ARMC2: variants seen among roughly 807,000 people sequenced by gnomAD.
The protein encoded by ARMC2 is armadillo repeat containing 2, also known as armadillo repeat-containing protein 2.
ARMC2 carries 67 observed loss-of-function variants against 90.3 expected under a neutral mutation model. The ratio of observed to expected loss-of-function variants is 0.74; its 90% confidence interval spans 0.61 to 0.91. The LOEUF (loss-of-function observed/expected upper bound fraction) is 0.91. Among genes scored for constraint, ARMC2 ranks in the 40% least tolerant of loss-of-function variants. The pLI, the probability that ARMC2 is intolerant of heterozygous loss-of-function variation, is 0.00. For missense variants in ARMC2, 920 were observed against 1,030.9 expected (o/e 0.89, Z 1.47); for synonymous variants, 393 against 393.0 (o/e 1.00, Z 0.00).
intron 2 of ARMC2, chr6:108,856,262 GT>G (rs1487551942): frequency 6.6e-6 from 1 of 150,494 alleles, no homozygotes; most frequent in Admixed American, 6.6e-5. Context: ...GTTTGTTTTT[GT>G]TTTTGTTTTT....
chr6:109,028,407 TTTG>T, the ARMC2 span, among the ~76,000 whole-genome samples: 1 of 152,158 alleles, frequency 6.6e-6, no homozygotes, highest in African/African-American at 2.4e-5. Context: ...ATGGGGCTAA[TTTG>T]TTGTTGTTGT....
intron 5 of ARMC2, among the ~76,000 whole-genome samples, chr6:108,879,025 C>G (rs1777210337): frequency 6.6e-6 from 1 of 151,642 alleles, no homozygotes; most frequent in Admixed American, 6.6e-5. Flanking sequence ...GTCCATCTAC[C>G]CATTCACCCA....
chr6:108,959,243 T>G (rs1429543946), intron 13 of ARMC2, among the ~76,000 whole-genome samples: 2 of 152,160 alleles, frequency 1.3e-5, no homozygotes, highest in Non-Finnish European at 2.9e-5. Context: ...TGAGCTTTCC[T>G]TTCAACATAG....
At chr6:108,991,084 A>AC in the ARMC2 span, among the ~76,000 whole-genome samples, 20 of 151,786 alleles carry the variant, frequency 1.3e-4, no homozygotes, top group African/African-American at 4.1e-4. Context: ...AACAACAACA[A>AC]AAAAAAACTA....
At chr6:108,884,656 G>A (rs139872902) in intron 5 of ARMC2, among the ~76,000 whole-genome samples, 2 of 152,280 alleles carry the variant, frequency 1.3e-5, no homozygotes, top group East Asian at 1.9e-4. Flanking sequence ...AAGCCATAGC[G>A]CTGAGCAGCA....
the ARMC2 span, chr6:108,994,698 CTTTTTTT>C: frequency 1.2e-4 from 35 of 293,018 alleles, no homozygotes; most frequent in Non-Finnish European, 1.5e-4. Flanking sequence ...GAATTTATAT[CTTTTTTT>C]TTTTTTTTTT....
At chr6:109,046,854 C>T in the ARMC2 span, among the ~76,000 whole-genome samples, 1 of 133,074 alleles carries the variant, frequency 7.5e-6, no homozygotes, top group Non-Finnish European at 1.7e-5. Flanking sequence ...TGGCAACCAC[C>T]CCGTATGAGA....
At chr6:108,935,478 G>A (rs1775883187) in intron 11 of ARMC2, among the ~76,000 whole-genome samples, 1 of 152,000 alleles carries the variant, frequency 6.6e-6, no homozygotes, top group Admixed American at 6.6e-5. Context: ...GTCTCACTCT[G>A]TCACCCAGGC....
At chr6:108,907,631 T>A in intron 8 of ARMC2, 1 of 1,589,560 alleles carries the variant, frequency 6.3e-7, no homozygotes, top group East Asian at 2.2e-5. Context: ...GCGGAGCCAC[T>A]CGTGCTTGAG....
chr6:108,923,178 C>G (rs938894856), intron 10 of ARMC2: 2 of 151,936 alleles, frequency 1.3e-5, no homozygotes, highest in African/African-American at 4.8e-5. Context: ...TCTACTAAGT[C>G]CTTTAGAGAC....
intron 1 of ARMC2, among the ~76,000 whole-genome samples, chr6:108,851,800 C>T (rs1485255824): frequency 6.6e-6 from 1 of 152,152 alleles, no homozygotes; most frequent in East Asian, 1.9e-4. Context: ...TTAAAAGATT[C>T]TATCCACCTT....
chr6:108,983,597 C>A, the ARMC2 span, among the ~76,000 whole-genome samples: 1 of 152,146 alleles, frequency 6.6e-6, no homozygotes, highest in Non-Finnish European at 1.5e-5. Flanking sequence ...ATTCCATTGG[C>A]CTGTATGTTT....
At chr6:108,881,679 G>A (rs1005996464) in intron 5 of ARMC2, among the ~76,000 whole-genome samples, 1 of 152,080 alleles carries the variant, frequency 6.6e-6, no homozygotes, top group Non-Finnish European at 1.5e-5. Context: ...CACACTCCTG[G>A]TTACATGTGA....
At chr6:108,999,949 G>A in the ARMC2 span, 2 of 152,132 alleles carry the variant, frequency 1.3e-5, no homozygotes, top group African/African-American at 4.8e-5. Flanking sequence ...GAATTATTCA[G>A]TGATAAAAAG....
the ARMC2 span, among the ~76,000 whole-genome samples, chr6:109,045,203 G>T: frequency 1.3e-5 from 2 of 152,022 alleles, no homozygotes; most frequent in Non-Finnish European, 2.9e-5. Context: ...GTCAAGTTCT[G>T]AATATTCTAC....
intron 13 of ARMC2, among the ~76,000 whole-genome samples, chr6:108,955,009 A>G (rs982125071): frequency 2.0e-5 from 3 of 152,108 alleles, no homozygotes; most frequent in Admixed American, 6.5e-5. Context: ...TCATGTGCTG[A>G]AGAGAGCACA....
chr6:108,911,652 G>C (rs969003624), intron 9 of ARMC2, among the ~76,000 whole-genome samples: 2 of 151,880 alleles, frequency 1.3e-5, no homozygotes, highest in Non-Finnish European at 2.9e-5. Context: ...TGGCAGATAG[G>C]GACAAAACCA....
At chr6:109,032,504 G>A in the ARMC2 span, among the ~76,000 whole-genome samples, 1 of 151,836 alleles carries the variant, frequency 6.6e-6, no homozygotes, top group Non-Finnish European at 1.5e-5. Flanking sequence ...TGTAATCCCA[G>A]CTATTGGGGA....
intron 1 of ARMC2, among the ~76,000 whole-genome samples, chr6:108,851,622 T>A (rs889645520): frequency 2.7e-5 from 4 of 148,152 alleles, no homozygotes; most frequent in Admixed American, 6.7e-5. Flanking sequence ...ATATCATAGC[T>A]TTTTTTTTTG....
Sources: gnomAD v4.1 joint callset for allele counts (sites outside exome capture counted in the v4.1 genomes callset) on GRCh38, gnomAD v4.1.1 for gene constraint, MANE v1.5 for transcripts, NCBI Gene and HGNC (gene_info 2026-07-23, HGNC 2026-07-21) for gene names.